The following NUP214 variants were observed in gnomAD, a reference collection of about 807,000 sequenced individuals.
NUP214 encodes nuclear pore complex protein Nup214.
In NUP214, 79 loss-of-function variants were observed where a neutral mutation model predicts 196.2. The observed-to-expected ratio is 0.40, with a 90% CI of 0.34 to 0.49. NUP214 has a LOEUF of 0.49. NUP214 is among the 20% of genes least tolerant of loss of function. The pLI is 0.58. For synonymous variants in NUP214, 1,020 were observed against 990.5 expected, an observed-to-expected ratio of 1.03 and a Z score of -0.56; for missense variants, 2,468 against 2,539.0, an observed-to-expected ratio of 0.97 and a Z score of 0.60.
intron 17 of NUP214, among the ~76,000 whole-genome samples, chr9:131,158,295 T>G (rs1286248528): frequency 1.3e-5 from 2 of 152,216 alleles, no homozygotes; most frequent in Non-Finnish European, 2.9e-5. Flanking sequence ...GCCAGGCTGG[T>G]CTGGAAGTCC....
At chr9:131,213,753 G>GTTGTTGTT (rs1028345669) in intron 30 of NUP214, among the ~76,000 whole-genome samples, 2 of 131,060 alleles carry the variant, frequency 1.5e-5, no homozygotes, top group African/African-American at 6.0e-5. Context: ...AATTGGTACT[G>GTTGTTGTT]TTGTTGTTGT....
At chr9:131,158,070 A>G (rs920490001) in intron 17 of NUP214, among the ~76,000 whole-genome samples, 2 of 151,706 alleles carry the variant, frequency 1.3e-5, no homozygotes, top group African/African-American at 4.8e-5. Flanking sequence ...TGCATGAGCC[A>G]CCATGCCCGG....
intron 17 of NUP214, among the ~76,000 whole-genome samples, chr9:131,157,631 A>AT (rs968023235): frequency 6.6e-6 from 1 of 150,944 alleles, no homozygotes; most frequent in Non-Finnish European, 1.5e-5. Flanking sequence ...CTCCCAGCTA[A>AT]TTTTTGTTTT....
At position 131,198,433 on chromosome 9, in the gene NUP214, C is replaced by T; in HGVS notation, c.4939C>T (p.Gln1647Ter). ...TVTSGSSVFA[Q>*]PPAASSSSAF... is the part of the protein sequence containing the mutation. ...CACTTCTGGCTCATCCGTCTTTGCT[C>T]AGCCTCCTGCTGCCAGTTCTAGCTC... The change falls in exon 29 of 36, where the codon CAG (glutamine) becomes TAG (stop). Residue 1647 changes from glutamine (Q) to a stop codon, truncating the protein, a stop_gained. Transcript: ENST00000359428. LOFTEE classifies it high-confidence loss of function. 6.2e-7 allele frequency: 1 copy of T among 1,614,244 alleles called. No homozygotes were observed. The highest frequency in any genetic ancestry group is 8.5e-7 in the Non-Finnish European group (1 of 1,180,042).
intron 32 of NUP214, among the ~76,000 whole-genome samples, chr9:131,226,657 C>G (rs142048067): frequency 6.6e-6 from 1 of 151,854 alleles, no homozygotes; most frequent in African/African-American, 2.4e-5. Flanking sequence ...ATTTATAACC[C>G]AACAGTCTCC....
At chr9:131,156,720 C>T (rs1832461540) in intron 17 of NUP214, among the ~76,000 whole-genome samples, 1 of 151,842 alleles carries the variant, frequency 6.6e-6, no homozygotes, top group Admixed American at 6.6e-5. Context: ...AGATCTAGGA[C>T]CTTTTTGGAT....
chr9:131,159,251 C>G, intron 17 of NUP214, 132 bp from the exon 18 acceptor site: 2 of 658,626 alleles, frequency 3.0e-6, no homozygotes, highest in Non-Finnish European at 5.2e-6. Flanking sequence ...CGTATTAAAA[C>G]CTATTCTGTT....
intron 11 of NUP214, among the ~76,000 whole-genome samples, 191 bp from the exon 12 acceptor site, chr9:131,144,089 C>T (rs1320335374): frequency 6.6e-6 from 1 of 152,220 alleles, no homozygotes; most frequent in Middle Eastern, 3.4e-3. Flanking sequence ...CTTAGTTTTC[C>T]TTCAGTTTCA....
intron 21 of NUP214, among the ~76,000 whole-genome samples, chr9:131,173,026 A>G (rs1224528160): frequency 6.6e-6 from 1 of 152,176 alleles, no homozygotes; most frequent in Non-Finnish European, 1.5e-5. Flanking sequence ...GCCGGGATTC[A>G]GTTCAATTCA....
chr9:131,140,517 G>A, intron 10 of NUP214, 32 bp from the exon 11 acceptor site: 1 of 1,586,314 alleles, frequency 6.3e-7, no homozygotes. Flanking sequence ...AAATTCACTT[G>A]GTTTTTTTAT....
At position 131,189,083 on chromosome 9, in the gene NUP214, G is replaced by A. The variant is rs766010785; in HGVS notation, c.3526G>A (p.Gly1176Arg). The change falls in exon 26 of 36, where the codon GGG becomes AGG. Residue 1176 changes from glycine to arginine, a missense_variant. Coordinates refer to ENST00000359428, the MANE Select transcript of NUP214 (RefSeq NM_005085.4). ...TCTAATAAATTCCCTTAAGCCATCT[G>A]GGCCTACACCAGCATCCGGTCAGTT... is the stretch of plus-strand genomic sequence containing the variant. The part of the protein sequence containing the change: ...GSLINSLKPS[G>R]PTPASGQLSS... 2.5e-6 allele frequency: 4 copies of A among 1,613,872 alleles called. No individual in the cohort carries two copies. In the Admixed American group the frequency reaches 6.7e-5, roughly 27 times the overall value.
chr9:131,141,299 CT>C (rs1245327350), intron 11 of NUP214, among the ~76,000 whole-genome samples: 1 of 151,720 alleles, frequency 6.6e-6, no homozygotes, highest in Non-Finnish European at 1.5e-5. Flanking sequence ...TTTTTTTCTC[CT>C]TTTTGAAACA....
intron 24 of NUP214, among the ~76,000 whole-genome samples, chr9:131,184,090 G>T (rs1833379813): frequency 7.0e-6 from 1 of 143,456 alleles, no homozygotes; most frequent in African/African-American, 2.6e-5. Context: ...GAGTGCAGTG[G>T]CGCAATCTCA....
At position 131,222,880 on chromosome 9, in the gene NUP214, G is replaced by T; in HGVS notation, c.5852G>T (p.Gly1951Val). ...CCCACTGGCACTTTCAGCTCTGGAG[G>T]AGGAAGTGTGGCATCCCAAGGCTTT... is the stretch of plus-strand genomic sequence containing the variant. ...QKPTGTFSSG[G>V]GSVASQGFGF... Residue 1951 changes from glycine to valine, a missense_variant, in exon 32 of 36, where the codon GGA (glycine) becomes GTA (valine). Gly to Val is a moderately radical substitution (Grantham distance 109). Around this residue, in one of 5 missense-constraint regions of NUP214, gnomAD observed 262 missense variants for 296.5 expected, o/e 0.88. Transcript: ENST00000359428. The T allele has an allele frequency of 6.2e-7, 1 of 1,614,220 alleles. No individual in the cohort carries two copies. Among genetic ancestry groups the T allele is most frequent in the Non-Finnish European group, 8.5e-7 (1 of 1,180,040 alleles).
intron 33 of NUP214, chr9:131,228,582 G>A: frequency 2.7e-6 from 1 of 370,122 alleles, no homozygotes; most frequent in Non-Finnish European, 4.8e-6. Flanking sequence ...CTGGTCATCA[G>A]AGCCCCTGTT....
chr9:131,209,097 G>A (rs528551070), intron 30 of NUP214, among the ~76,000 whole-genome samples: 2 of 152,178 alleles, frequency 1.3e-5, no homozygotes, highest in South Asian at 2.1e-4. Flanking sequence ...AAGGCTGGGC[G>A]CAGTGGCACA....
chr9:131,214,900 G>C (rs1272029148), intron 30 of NUP214, among the ~76,000 whole-genome samples: 1 of 152,146 alleles, frequency 6.6e-6, no homozygotes, highest in Non-Finnish European at 1.5e-5. Context: ...TTGTGGGGTT[G>C]GTTTTCCTGA....
chr9:131,200,701 TC>T (rs1833916332), intron 29 of NUP214, among the ~76,000 whole-genome samples: 1 of 152,000 alleles, frequency 6.6e-6, no homozygotes, highest in African/African-American at 2.4e-5. Context: ...AGAGCGAGAC[TC>T]CATCTCCATT....
intron 11 of NUP214, chr9:131,141,574 C>T (rs534101451): frequency 6.8e-6 from 1 of 146,518 alleles, no homozygotes; most frequent in Non-Finnish European, 1.5e-5. Flanking sequence ...GCCCTAATCT[C>T]CCAGGCTCAG....
Sources: gnomAD v4.1 joint callset for allele counts (sites outside exome capture counted in the v4.1 genomes callset) on GRCh38, gnomAD v4.1.1 for gene constraint, gnomAD v4.1.1 regional missense constraint, MANE v1.5 for transcripts, NCBI Gene and HGNC (gene_info 2026-07-23, HGNC 2026-07-21) for gene names.